Variants in AAGAB observed in about 807,000 individuals in gnomAD.
The protein encoded by AAGAB is alpha and gamma adaptin binding protein.
AAGAB carries 38 observed loss-of-function variants against 44.1 expected under a neutral mutation model. The observed-to-expected ratio is 0.86, with a 90% CI of 0.67 to 1.13. The LOEUF is 1.13. Ranked by LOEUF, AAGAB falls within the 50% of genes most tolerant of loss-of-function variation. AAGAB has a pLI of 0.00. For missense variants in AAGAB, 450 were observed against 373.8 expected, an observed-to-expected ratio of 1.20 and a Z score of -1.68; for synonymous variants, 131 against 131.8, an observed-to-expected ratio of 0.99 and a Z score of 0.04.
chr15:67,222,949 C>A (rs1201348371), intron 5 of AAGAB, among the ~76,000 whole-genome samples: 2 of 152,122 alleles, frequency 1.3e-5, no homozygotes, highest in African/African-American at 4.8e-5. Flanking sequence ...ATGCTAAATC[C>A]AAGGGTCAAC....
At chr15:67,232,958 C>G (rs1421009690) in intron 4 of AAGAB, 1 of 154,048 alleles carries the variant, frequency 6.5e-6, no homozygotes, top group Non-Finnish European at 1.4e-5. Flanking sequence ...ATTAAACACA[C>G]AATATAAGGC....
intron 5 of AAGAB, among the ~76,000 whole-genome samples, chr15:67,216,463 A>C (rs1963951312): frequency 6.7e-6 from 1 of 149,660 alleles, no homozygotes; most frequent in Non-Finnish European, 1.5e-5. Context: ...AAAAAAAAAA[A>C]AAAAACAAGA....
chr15:67,202,819 AT>A lies in AAGAB; in HGVS notation c.*1del, dbSNP rs773899582. On this transcript the variant is annotated 3_prime_UTR_variant, in exon 10 of 10. Coordinates refer to ENST00000261880, the MANE Select transcript of AAGAB (RefSeq NM_024666.5). ...TGTTGGTCAAACCCTAGTATGAATA[AT>A]TCAGTGCTCTTCATCAGATGAAAGG... The A allele has an allele frequency of 6.2e-7, 1 of 1,613,608 alleles. No homozygotes were observed. The highest frequency in any genetic ancestry group is 8.5e-7 in the Non-Finnish European group (1 of 1,179,494).
At chr15:67,248,855 T>C (rs931384970) in intron 1 of AAGAB, among the ~76,000 whole-genome samples, 3 of 152,226 alleles carry the variant, frequency 2.0e-5, no homozygotes, top group African/African-American at 4.8e-5. Flanking sequence ...GGTAAATGCA[T>C]GTGAATTTCA....
chr15:67,202,753 T>C lies in AAGAB; in HGVS notation c.*68A>G. ...AAGGGCAATTTTGGCAAAATATGACTGGGCTGAGTAGAGAGGTATCTCAGA... is the reference window on the plus strand; with the variant it reads ...AAGGGCAATTTTGGCAAAATATGACCGGGCTGAGTAGAGAGGTATCTCAGA... On this transcript the variant is annotated 3_prime_UTR_variant, in exon 10 of 10. Coordinates refer to ENST00000261880, the MANE Select transcript of AAGAB (RefSeq NM_024666.5). The C allele has an allele frequency of 6.5e-7, 1 of 1,529,834 alleles. No individual in the cohort carries two copies. The highest frequency in any genetic ancestry group is 9.1e-7 in the Non-Finnish European group (1 of 1,104,410). 94.8% of individuals were successfully genotyped at this position (1,529,834 alleles called of 1,614,324 possible).
rs572973166 is a variant in AAGAB, at chr15:67,200,992, A to G, written c.*1829T>C. 3 of 152,494 alleles carry G rather than the reference A, an allele frequency of 2.0e-5. No individual in the cohort carries two copies. The highest frequency in any genetic ancestry group is 2.1e-4 in the South Asian group (1 of 4,832). 9.4% of individuals were successfully genotyped at this position (152,494 alleles called of 1,614,324 possible). ...TTCCCTCACTCATACCCCCTAATAA[A>G]AAACCACAAAATCATAATAATAGAC... On this transcript the variant is annotated 3_prime_UTR_variant, in exon 10 of 10. Coordinates refer to ENST00000261880, the MANE Select transcript of AAGAB (RefSeq NM_024666.5).
intron 7 of AAGAB, among the ~76,000 whole-genome samples, chr15:67,204,915 A>G (rs777463745): frequency 1.3e-5 from 2 of 152,206 alleles, no homozygotes; most frequent in African/African-American, 4.8e-5. Context: ...GCACTTGCAT[A>G]TATTACCTTG....
chr15:67,244,510 G>A (rs921821379), intron 1 of AAGAB, among the ~76,000 whole-genome samples: 16 of 151,946 alleles, frequency 1.1e-4, no homozygotes, highest in African/African-American at 3.6e-4. Flanking sequence ...ATTTAAAAGC[G>A]GGCAAAAAAG....
chr15:67,231,855 G>A lies in AAGAB; in HGVS notation c.494C>T (p.Ala165Val). The change falls in exon 5 of 10, where the codon GCC (alanine) becomes GTC (valine). Residue 165 changes from alanine to valine, a missense_variant. Physicochemically the swap from Ala to Val is moderately conservative, Grantham distance 64. Transcript: ENST00000261880. Reference sequence around the variant, plus strand: ...ATTGGACCACACATTGGCATTCAGGGCTTGGACAATTCGCTTTACTCCTGT... The same window carrying A: ...ATTGGACCACACATTGGCATTCAGGACTTGGACAATTCGCTTTACTCCTGT... ...ESTGVKRIVQ[A>V]LNANVWSNVV... The A allele has an allele frequency of 6.2e-7, 1 of 1,612,610 alleles. No individual in the cohort carries two copies. The highest frequency in any genetic ancestry group is 8.5e-7 in the Non-Finnish European group (1 of 1,178,884).
chr15:67,254,936 A>C (rs770780847), upstream of AAGAB: 25 of 1,613,540 alleles, frequency 1.5e-5, no homozygotes, highest in South Asian at 2.5e-4. Flanking sequence ...TGTCGGATCC[A>C]TCTTAATCCA....
In AAGAB at chr15:67,236,675, A is replaced by G. The variant is rs1428504618; in HGVS notation, c.219T>C (p.Ile73=). 5 of 1,614,138 alleles carry G rather than the reference A, an allele frequency of 3.1e-6. No homozygotes were observed. The highest frequency in any genetic ancestry group is 3.4e-6 in the Non-Finnish European group (4 of 1,180,004). The part of the protein sequence containing the change: ...VPNKFLVTAE[I]AESVQAFVVY... ...CCACAAATGCTTGGACAGATTCTGC[A>G]ATCTCTGCAGTAACAAGAAATTTGT... is the stretch of plus-strand genomic sequence containing the variant. The change falls in exon 2 of 10, where the codon ATT becomes ATC. Residue 73 remains isoleucine, a synonymous_variant. Coordinates refer to ENST00000261880, the MANE Select transcript of AAGAB (RefSeq NM_024666.5).
In AAGAB at chr15:67,200,751, G is replaced by A. The variant is rs997936273; in HGVS notation, c.*2070C>T. Among the ~76,000 whole-genome samples the A allele has an allele frequency of 1.1e-4, 16 of 152,250 alleles. 1 individual carries two copies. Among genetic ancestry groups the A allele is most frequent in the Admixed American group, 9.8e-4 (15 of 15,290 alleles). On this transcript the variant is annotated 3_prime_UTR_variant, in exon 10 of 10. Coordinates refer to ENST00000261880, the MANE Select transcript of AAGAB (RefSeq NM_024666.5). ...CTTTAGATAGACTGCAGCTATTACT[G>A]TAGTGTTAGCTCATGATCACTATTC... is the stretch of plus-strand genomic sequence containing the variant.
Position 67,208,537 on chromosome 15 carries a change from CTT to C in AAGAB, c.715+23_715+24del, listed in dbSNP as rs758419763. The C allele has an allele frequency of 3.1e-6, 5 of 1,602,586 alleles. No homozygotes were observed. The African/African-American group carries it at 4.0e-5, about 13-fold the overall frequency. ...TATTCCAAGTTGCACAAAGCTCTCT[CTT>C]GGCAGCCAAAGGAGGAACTTACCCA... is the stretch of plus-strand genomic sequence containing the variant. On this transcript the variant is annotated intron_variant, in intron 7 of 9. Transcript: ENST00000261880.
At chr15:67,251,468 C>A (rs1964871664) in intron 1 of AAGAB, among the ~76,000 whole-genome samples, 1 of 152,152 alleles carries the variant, frequency 6.6e-6, no homozygotes, top group Non-Finnish European at 1.5e-5. Context: ...GTTGCCCAGG[C>A]TGGTCTTGAA....
intron 1 of AAGAB, among the ~76,000 whole-genome samples, chr15:67,252,892 AAATTAT>A (rs1255445619): frequency 6.6e-6 from 1 of 152,224 alleles, no homozygotes; most frequent in African/African-American, 2.4e-5. Flanking sequence ...TGTAGCAAAG[AAATTAT>A]AATTATACAA....
chr15:67,203,594 T>C lies in AAGAB; in HGVS notation c.824A>G (p.Lys275Arg). The change falls in exon 9 of 10, where the codon AAG becomes AGG. Residue 275 changes from lysine (K) to arginine (R), a missense_variant. Coordinates refer to ENST00000261880, the MANE Select transcript of AAGAB (RefSeq NM_024666.5). ...TTGCTCATGAGGAAGCGTCGCAGCC[T>C]TGTCTAGGGGGAAAATATATCTTAA... ...LFSKLKEMKD[K>R]AATLPHEQRK... is the part of the protein sequence containing the mutation. 1.2e-6 allele frequency: 2 copies of C among 1,613,454 alleles called. No homozygotes were observed. Among genetic ancestry groups the C allele is most frequent in the Non-Finnish European group, 1.7e-6 (2 of 1,179,772 alleles).
chr15:67,221,527 T>C (rs1026035694), intron 5 of AAGAB, among the ~76,000 whole-genome samples: 8 of 152,192 alleles, frequency 5.3e-5, no homozygotes, highest in Admixed American at 1.3e-4. Context: ...ACTGGATGAA[T>C]AGACTAGCTC....
chr15:67,232,249 CAAA>C (rs34877999), intron 4 of AAGAB, among the ~76,000 whole-genome samples: 1 of 88,648 alleles, frequency 1.1e-5, no homozygotes, highest in African/African-American at 5.0e-5. Context: ...AACTCCATCT[CAAA>C]AAAAAAAAAA....
chr15:67,227,136 C>T (rs1198815694), intron 5 of AAGAB, among the ~76,000 whole-genome samples: 1 of 152,066 alleles, frequency 6.6e-6, no homozygotes, highest in Admixed American at 6.6e-5. Flanking sequence ...CATGACATAA[C>T]GTAAATGTTC....
Sources: allele counts gnomAD v4.1 joint callset (sites outside exome capture counted in the v4.1 genomes callset), GRCh38; gene constraint gnomAD v4.1.1; transcripts MANE v1.5; gene names NCBI Gene and HGNC (gene_info 2026-07-23, HGNC 2026-07-21).